Variants in LMBRD2 observed in about 807,000 individuals in gnomAD.
LMBRD2 encodes G protein-coupled receptor-associated protein LMBRD2.
Under a neutral mutation model 94.4 loss-of-function variants are expected in LMBRD2, and 55 were observed. The ratio of observed to expected loss-of-function variants is 0.58; its 90% CI spans 0.47 to 0.73. LMBRD2 has a LOEUF of 0.73. Among genes scored for constraint, LMBRD2 ranks in the 30% least tolerant of loss-of-function variants. LMBRD2 has a pLI of 0.00. For synonymous variants in LMBRD2, 246 were observed against 272.4 expected, an observed-to-expected ratio of 0.90 and a Z score of 0.95; for missense variants, 640 against 831.9, an observed-to-expected ratio of 0.77 and a Z score of 2.84.
chr5:36,123,635 A>G (rs1318293698), intron 7 of LMBRD2, among the ~76,000 whole-genome samples: 1 of 151,638 alleles, frequency 6.6e-6, no homozygotes, highest in African/African-American at 2.4e-5. Context: ...TTGGAAGTAT[A>G]TGAATACCCC....
At chr5:36,113,902 A>T (rs745345063) in intron 13 of LMBRD2, among the ~76,000 whole-genome samples, 70 of 152,280 alleles carry the variant, frequency 4.6e-4, no homozygotes, top group Non-Finnish European at 5.4e-4. Flanking sequence ...TTCCATGAAA[A>T]CAGCATGCCA....
Position 36,142,507 on chromosome 5 carries a change from A to C in LMBRD2, c.267T>G (p.Val89=). ...ITGLYATANP[V]PSQHPCFKPW... is the part of the protein sequence containing the mutation. ...TTTTTTAAAAAAGGAAATACCTTGGAACAGGGTTAGCAGTTGCGTACAATC... is the reference window on the plus strand; with the variant it reads ...TTTTTTAAAAAAGGAAATACCTTGGCACAGGGTTAGCAGTTGCGTACAATC... The change falls in exon 3 of 18, where the codon GTT becomes GTG. Residue 89 remains valine, a synonymous_variant. Coordinates refer to ENST00000296603, the MANE Select transcript of LMBRD2 (RefSeq NM_001007527.2). The C allele has an allele frequency of 6.4e-7, 1 of 1,573,648 alleles. No homozygotes were observed. The highest frequency in any genetic ancestry group is 1.1e-5 in the South Asian group (1 of 89,074).
At chr5:36,150,141 A>C (rs1744655040) in intron 1 of LMBRD2, among the ~76,000 whole-genome samples, 1 of 152,224 alleles carries the variant, frequency 6.6e-6, no homozygotes, top group African/African-American at 2.4e-5. Flanking sequence ...TATTAGGAAG[A>C]TGAAGTATGT....
intron 4 of LMBRD2, among the ~76,000 whole-genome samples, chr5:36,138,961 G>A (rs994215797): frequency 6.6e-6 from 1 of 152,186 alleles, no homozygotes; most frequent in Non-Finnish European, 1.5e-5. Context: ...GCCGCAGTGT[G>A]GGGGGACTGG....
In LMBRD2 at chr5:36,136,183, T is replaced by C. The variant is rs551997939; in HGVS notation, c.747+126A>G. 1.1e-4 allele frequency: 89 copies of C among 830,266 alleles called. No individual in the cohort carries two copies. The African/African-American group carries it at 1.1e-3, about 10-fold the overall frequency. 51.4% of individuals were successfully genotyped at this position (830,266 alleles called of 1,614,324 possible). On this transcript the variant is annotated intron_variant, in intron 6 of 17. Coordinates refer to ENST00000296603, the MANE Select transcript of LMBRD2 (RefSeq NM_001007527.2). ...ATCCTGGATGAGACATCCTGAAGGATTGCACAACACCAGTTTTGCAGTCTG... is the reference window on the plus strand; with the variant it reads ...ATCCTGGATGAGACATCCTGAAGGACTGCACAACACCAGTTTTGCAGTCTG...
intron 6 of LMBRD2, among the ~76,000 whole-genome samples, chr5:36,127,358 AGG>A (rs757018176): frequency 6.6e-6 from 1 of 152,164 alleles, no homozygotes; most frequent in Non-Finnish European, 1.5e-5. Context: ...TCCTCCTCAC[AGG>A]AACACCAAAT....
At chr5:36,146,027 T>C (rs540318911) in intron 1 of LMBRD2, among the ~76,000 whole-genome samples, 23 of 152,226 alleles carry the variant, frequency 1.5e-4, no homozygotes, top group Non-Finnish European at 2.8e-4. Context: ...ACACTAGCTA[T>C]TAATTTTTTT....
Position 36,143,282 on chromosome 5 carries a change from C to T in LMBRD2, c.68G>A (p.Arg23Gln), listed in dbSNP as rs1260555708. 3 of 1,612,502 alleles carry T rather than the reference C, an allele frequency of 1.9e-6. No homozygotes were observed. The highest frequency in any genetic ancestry group is 1.7e-5 in the Admixed American group (1 of 59,996). ...VFFLALFLLH[R>Q]YGDFKKQHRL... ...ATGCTGTTTCTTAAAGTCTCCATAT[C>T]GATGAAGCAGAAATAATGCCAGAAA... is the stretch of plus-strand genomic sequence containing the variant. The change falls in exon 2 of 18, where the codon CGA becomes CAA. Residue 23 changes from arginine to glutamine, a missense_variant. This residue lies in a region of LMBRD2 where 457 missense variants were observed against 642.8 expected (regional missense o/e 0.71). Coordinates refer to ENST00000296603, the MANE Select transcript of LMBRD2 (RefSeq NM_001007527.2).
chr5:36,122,330 G>A lies in LMBRD2; in HGVS notation c.1070C>T (p.Ser357Leu), dbSNP rs780185586. The A allele has an allele frequency of 1.1e-5, 17 of 1,606,798 alleles. No homozygotes were observed. Among genetic ancestry groups the A allele is most frequent in the Middle Eastern group, 1.7e-4 (1 of 6,044 alleles). Residue 357 changes from serine (S) to leucine (L), a missense_variant, in exon 9 of 18, where the codon TCG becomes TTG. Transcript: ENST00000296603. ...ATHQFVHTFQ[S>L]PEPENRFIQY... ...GATAAATCGATTTTCTGGCTCTGGC[G>A]ATTGAAAGGTGTGAACAAACTGATG...
chr5:36,137,024 G>T (rs968489330), intron 5 of LMBRD2, among the ~76,000 whole-genome samples: 5 of 151,782 alleles, frequency 3.3e-5, no homozygotes, highest in Non-Finnish European at 4.4e-5. Context: ...AATCATAAGG[G>T]TTATTACTTT....
rs1275090146 is a variant in LMBRD2, at chr5:36,136,529, G to C, written c.537-10C>G. Reference sequence around the variant, plus strand: ...TGTCTGAAGCTGGTTCCTAAGAAAGGGAAACAACAGATAATATGTATATTT... The same window carrying C: ...TGTCTGAAGCTGGTTCCTAAGAAAGCGAAACAACAGATAATATGTATATTT... On this transcript the variant is annotated splice_polypyrimidine_tract_variant and intron_variant, in intron 5 of 17. Transcript: ENST00000296603. 3.7e-6 allele frequency: 6 copies of C among 1,604,224 alleles called. No individual in the cohort carries two copies. Among genetic ancestry groups the C allele is most frequent in the Non-Finnish European group, 5.1e-6 (6 of 1,171,224 alleles).
chr5:36,139,622 AG>A (rs1579525352), intron 4 of LMBRD2, among the ~76,000 whole-genome samples: 1 of 152,300 alleles, frequency 6.6e-6, no homozygotes, highest in Non-Finnish European at 1.5e-5. Context: ...CCCCAGACTC[AG>A]CCCCACTTAG....
In LMBRD2 at chr5:36,151,055, G is replaced by C. The variant is rs1398286823; in HGVS notation, c.-58+501C>G. The stretch of plus-strand genomic sequence containing the variant: ...TTCCCGGGGTCACAGTTGTAGTATA[G>C]TTTGCCCAATGGATTTCGCATGGTC... On this transcript the variant is annotated intron_variant, in intron 1 of 17. Coordinates refer to ENST00000296603, the MANE Select transcript of LMBRD2 (RefSeq NM_001007527.2). The surrounding 1 kb of genome is among the most constrained non-coding windows in gnomAD (Gnocchi z 4.7). Among the ~76,000 whole-genome samples, 1 of 152,124 alleles carries C rather than the reference G, an allele frequency of 6.6e-6. No individual in the cohort carries two copies. Among genetic ancestry groups the C allele is most frequent in the Non-Finnish European group, 1.5e-5 (1 of 68,028 alleles).
intron 4 of LMBRD2, among the ~76,000 whole-genome samples, chr5:36,140,381 A>T (rs1005509438): frequency 6.6e-6 from 1 of 152,210 alleles, no homozygotes; most frequent in African/African-American, 2.4e-5. Context: ...AGCTAAGTGC[A>T]ACCTGCCAGG....
At chr5:36,122,556 T>C (rs1743911710) in intron 8 of LMBRD2, 93 bp from the exon 9 acceptor site, 12 of 1,124,110 alleles carry the variant, frequency 1.1e-5, no homozygotes, top group African/African-American at 1.6e-5. Context: ...GTCATAACAA[T>C]GGGAAAGTGC....
chr5:36,133,432 A>G (rs1744199774), intron 6 of LMBRD2, among the ~76,000 whole-genome samples: 1 of 152,156 alleles, frequency 6.6e-6, no homozygotes, highest in African/African-American at 2.4e-5. Flanking sequence ...CCAGTATTTG[A>G]TAGAACAGGG....
intron 1 of LMBRD2, among the ~76,000 whole-genome samples, chr5:36,144,457 C>T (rs754693009): frequency 2.6e-5 from 4 of 152,040 alleles, no homozygotes; most frequent in Admixed American, 6.5e-5. Context: ...CTAAGGCAGG[C>T]GGATCACCTG....
intron 13 of LMBRD2, among the ~76,000 whole-genome samples, chr5:36,112,521 G>T (rs1743636135): frequency 6.6e-6 from 1 of 152,154 alleles, no homozygotes; most frequent in Non-Finnish European, 1.5e-5. Flanking sequence ...TGTCAGTAAG[G>T]CATTGCTTCA....
In LMBRD2 at chr5:36,143,391, C is replaced by T. The variant is rs755223024; in HGVS notation, c.-42G>A. 12 of 1,460,490 alleles carry T rather than the reference C, an allele frequency of 8.2e-6. No individual in the cohort carries two copies. The highest frequency in any genetic ancestry group is 1.1e-5 in the Non-Finnish European group (12 of 1,064,696). 90.5% of individuals were successfully genotyped at this position (1,460,490 alleles called of 1,614,324 possible). A position where few individuals can be genotyped will look rare whatever the true frequency, so the allele number is the denominator to read the frequency against. Reference sequence around the variant, plus strand: ...CTGACTAACCAAAGTTATTCATGTACAGGTCTGGACCATATCTATAAAGTA... The same window carrying T: ...CTGACTAACCAAAGTTATTCATGTATAGGTCTGGACCATATCTATAAAGTA... On this transcript the variant is annotated 5_prime_UTR_variant, in exon 2 of 18. Coordinates refer to ENST00000296603, the MANE Select transcript of LMBRD2 (RefSeq NM_001007527.2).
Sources: allele counts gnomAD v4.1 joint callset (sites outside exome capture counted in the v4.1 genomes callset), GRCh38; gene constraint gnomAD v4.1.1; regional missense constraint gnomAD v4.1.1; non-coding constraint Gnocchi (gnomAD v3.1); transcripts MANE v1.5; gene names NCBI Gene and HGNC (gene_info 2026-07-23, HGNC 2026-07-21).